The following IRX4 variants were observed in gnomAD, a reference collection of about 807,000 sequenced individuals.
The protein encoded by IRX4 is iroquois-class homeodomain protein IRX-4.
A neutral mutation model predicts 32.0 loss-of-function variants in IRX4; 22 were observed. The observed-to-expected ratio is 0.69, with a 90% confidence interval of 0.49 to 0.98. The LOEUF is 0.98. IRX4 is among the 50% of genes least tolerant of loss of function. IRX4 has a pLI of 0.00. For missense variants in IRX4, 840 were observed against 744.2 expected (o/e 1.13, Z -1.50); for synonymous variants, 379 against 351.7 (o/e 1.08, Z -0.87).
chr5:1,878,856 C>T (rs1735318903), intron 4 of IRX4, 64 bp from the exon 5 acceptor site: 3 of 1,538,168 alleles, frequency 2.0e-6, no homozygotes, highest in South Asian at 1.1e-5. Flanking sequence ...ACCCCCTGTC[C>T]CCGTCCACCA....
At chr5:1,879,483 A>C in intron 4 of IRX4, 21 bp downstream of exon 4, 1 of 1,612,438 alleles carries the variant, frequency 6.2e-7, no homozygotes, top group Non-Finnish European at 8.5e-7. Flanking sequence ...CTCAGCCCCC[A>C]GTGACAACCT....
At chr5:1,885,838 A>T (rs1055600276), upstream of IRX4, among the ~76,000 whole-genome samples, 1 of 152,258 alleles carries the variant, frequency 6.6e-6, no homozygotes, top group Non-Finnish European at 1.5e-5. Context: ...TTCACCAACG[A>T]TAGGACGCTC....
chr5:1,881,179 TG>T (rs1486485899), intron 2 of IRX4: 2 of 201,026 alleles, frequency 9.9e-6, no homozygotes, highest in Non-Finnish European at 1.8e-5. Flanking sequence ...GGAGAAGGAG[TG>T]GGGATTGTTA....
chr5:1,881,070 CGGGGGGGA>C, intron 2 of IRX4: 1 of 90,848 alleles, frequency 1.1e-5, no homozygotes, highest in Non-Finnish European at 1.8e-5. Flanking sequence ...TGGGGGGGGG[CGGGGGGGA>C]GGAGGTGCAG....
chr5:1,880,743 C>G lies in IRX4; in HGVS notation c.389G>C (p.Gly130Ala). 6.2e-7 allele frequency: 1 copy of G among 1,613,370 alleles called. No individual in the cohort carries two copies. The highest frequency in any genetic ancestry group is 8.5e-7 in the Non-Finnish European group (1 of 1,179,512). The change falls in exon 3 of 5, where the codon GGC becomes GCC. Residue 130 changes from glycine (G) to alanine (A), a missense_variant. By Grantham distance (60) the Gly-to-Ala change is moderately conservative. Transcript: ENST00000231357. ...TCCTCACCTGTCATAGGGGTACTGG[C>G]CCAGAGCTGGCTCGTAAGGGTAGTA... ...AAYYPYEPAL[G>A]QYPYDRYGTM...
chr5:1,885,452 C>T (rs1211763976), upstream of IRX4, among the ~76,000 whole-genome samples: 9 of 152,314 alleles, frequency 5.9e-5, no homozygotes, highest in Admixed American at 5.9e-4. Flanking sequence ...GACCCAGAAA[C>T]CTGGCCTCTG....
chr5:1,882,575 G>A (rs897600656), intron 1 of IRX4, 28 bp downstream of exon 1: 1 of 1,500,340 alleles, frequency 6.7e-7, no homozygotes, highest in Non-Finnish European at 8.9e-7. Flanking sequence ...CACCTGCGGT[G>A]GCCTGGGCGG....
intron 3 of IRX4, chr5:1,880,196 C>G: frequency 4.3e-6 from 6 of 1,408,320 alleles, no homozygotes; most frequent in South Asian, 1.3e-5. Context: ...AGATGTAACA[C>G]GTGTGGCAGG....
Position 1,882,627 on chromosome 5 carries a change from T to G in IRX4, c.21A>C (p.Gly7=). ...CCTGGGGAGCCGAGGAGTAGGGGTATCCAAACTGCGGGTAGGACATGGCGG... is the reference window on the plus strand; with the variant it reads ...CCTGGGGAGCCGAGGAGTAGGGGTAGCCAAACTGCGGGTAGGACATGGCGG... MSYPQF[G]YPYSSAPQFL... The change falls in exon 1 of 5, where the codon GGA becomes GGC. Residue 7 remains glycine, a synonymous_variant. Coordinates refer to ENST00000231357, the MANE Select transcript of IRX4 (RefSeq NM_016358.3). The G allele has an allele frequency of 1.4e-6, 2 of 1,430,624 alleles. No homozygotes were observed. The highest frequency in any genetic ancestry group is 3.0e-5 in the African/African-American group (2 of 65,996). 88.6% of individuals were successfully genotyped at this position (1,430,624 alleles called of 1,614,324 possible).
At position 1,878,382 on chromosome 5, in the gene IRX4, T is replaced by TGGCGGCGGC. The variant is rs548751399; in HGVS notation, c.1138_1146dup (p.Ala380_Ala382dup). 1.3e-5 allele frequency: 20 copies of TGGCGGCGGC among 1,530,176 alleles called. No individual in the cohort carries two copies. Among genetic ancestry groups the TGGCGGCGGC allele is most frequent in the Admixed American group, 5.9e-5 (3 of 50,422 alleles). The allele number at this position is 1,530,176 out of a possible 1,614,324, so 94.8% of individuals were successfully genotyped here. A position where few individuals can be genotyped will look rare whatever the true frequency, so the allele number is the denominator to read the frequency against. ...GGAAACTCAGTCTGGCTCAGGGAGG[T>TGGCGGCGGC]GGCGGCGGCGGCGGCGGCGGTGGCT... On this transcript the variant is annotated inframe_insertion, in exon 5 of 5. Coordinates refer to ENST00000231357, the MANE Select transcript of IRX4 (RefSeq NM_016358.3).
rs180820796 is a variant in IRX4, at chr5:1,879,243, T to G, written c.736+261A>C. Among the ~76,000 whole-genome samples the G allele has an allele frequency of 9.4e-3, 1,436 of 152,182 alleles. 10 individuals are homozygous for G. The highest frequency in any genetic ancestry group is 0.041 in the Middle Eastern group (12 of 294). The stretch of plus-strand genomic sequence containing the variant: ...CCTGACCTCGTGATCCGCCCGCCTC[T>G]GCCTTCCAAAGCGCTGGGATTACAG... On this transcript the variant is annotated intron_variant, in intron 4 of 4. Transcript: ENST00000231357.
upstream of IRX4, among the ~76,000 whole-genome samples, chr5:1,883,023 A>G (rs956238669): frequency 1.3e-5 from 2 of 151,392 alleles, no homozygotes; most frequent in African/African-American, 4.9e-5. Flanking sequence ...CACCTCGCGC[A>G]GCCCGGCCTG....
chr5:1,885,042 C>T (rs1160433980), upstream of IRX4, among the ~76,000 whole-genome samples: 1 of 152,228 alleles, frequency 6.6e-6, no homozygotes, highest in Non-Finnish European at 1.5e-5. Context: ...TGTGGCTTGT[C>T]CTTTCCTCAC....
At chr5:1,885,692 T>G (rs902521652), upstream of IRX4, among the ~76,000 whole-genome samples, 20 of 151,630 alleles carry the variant, frequency 1.3e-4, no homozygotes, top group African/African-American at 4.9e-4. Context: ...ACTGAAACCC[T>G]GTAGCCTGGC....
chr5:1,885,981 G>A (rs1421920349), upstream of IRX4, among the ~76,000 whole-genome samples: 1 of 148,910 alleles, frequency 6.7e-6, no homozygotes, highest in Non-Finnish European at 1.5e-5. Context: ...GGAGTACACA[G>A]CACCGGCTCA....
upstream of IRX4, among the ~76,000 whole-genome samples, chr5:1,885,485 C>G (rs1002828271): frequency 6.6e-6 from 1 of 152,196 alleles, no homozygotes; most frequent in Non-Finnish European, 1.5e-5. Flanking sequence ...CAGGCCGCCG[C>G]ACACACACGC....
rs749027330 is a variant in IRX4 at position 1,878,578 on chromosome 5, G to A, written c.951C>T (p.Asp317=). 11 of 1,549,038 alleles carry A rather than the reference G, an allele frequency of 7.1e-6. No homozygotes were observed. In the East Asian group the frequency reaches 9.8e-5, roughly 14 times the overall value. The change falls in exon 5 of 5, where the codon GAC becomes GAT. Residue 317 remains aspartate, a synonymous_variant. Transcript: ENST00000231357. Reference sequence around the variant, plus strand: ...AGCTCCGGGCCCTCTCCAGGTCCTCGTCCAGAGCAGCTCCGCCACCCGCGG... The same window carrying A: ...AGCTCCGGGCCCTCTCCAGGTCCTCATCCAGAGCAGCTCCGCCACCCGCGG... ...SLAAGGGAAL[D]EDLERARSCL... is the part of the protein sequence containing the mutation.
At position 1,880,740 on chromosome 5, in the gene IRX4, T is replaced by A; in HGVS notation, c.392A>T (p.Gln131Leu). 6.2e-7 allele frequency: 1 copy of A among 1,613,286 alleles called. No individual in the cohort carries two copies. The highest frequency in any genetic ancestry group is 8.5e-7 in the Non-Finnish European group (1 of 1,179,406). ...AYYPYEPALG[Q>L]YPYDRYGTMD... ...GGGTCCTCACCTGTCATAGGGGTAC[T>A]GGCCCAGAGCTGGCTCGTAAGGGTA... is the stretch of plus-strand genomic sequence containing the variant. Residue 131 changes from glutamine (Q) to leucine (L), a missense_variant, in exon 3 of 5, where the codon CAG (glutamine) becomes CTG (leucine). Coordinates refer to ENST00000231357, the MANE Select transcript of IRX4 (RefSeq NM_016358.3).
Position 1,881,819 on chromosome 5 carries a change from A to G in IRX4, c.286T>C (p.Phe96Leu), listed in dbSNP as rs1735451068. The part of the protein sequence containing the change: ...YVTYGSEASA[F>L]YSLNSFDSKD... ...GATGCCCCACTTACCAGCGAGTAGAAGGCGGACGCCTCCGAGCCGTAGGTC... is the reference window on the plus strand; with the variant it reads ...GATGCCCCACTTACCAGCGAGTAGAGGGCGGACGCCTCCGAGCCGTAGGTC... Residue 96 changes from phenylalanine to leucine, a missense_variant, in exon 2 of 5, where the codon TTC (phenylalanine) becomes CTC (leucine). Phe to Leu is a conservative substitution (Grantham distance 22, BLOSUM62 0). Transcript: ENST00000231357. The G allele has an allele frequency of 2.6e-6, 4 of 1,565,030 alleles. No homozygotes were observed. The South Asian group carries it at 4.7e-5, about 18-fold the overall frequency.
Sources: allele counts gnomAD v4.1 joint callset (sites outside exome capture counted in the v4.1 genomes callset), GRCh38; gene constraint gnomAD v4.1.1; transcripts MANE v1.5; gene names NCBI Gene and HGNC (gene_info 2026-07-23, HGNC 2026-07-21).